Variants in DERL1 observed in about 807,000 individuals in gnomAD.
DERL1 encodes the protein derlin 1.
DERL1 carries 24 observed loss-of-function variants against 41.6 expected under a neutral mutation model. The ratio of observed to expected loss-of-function variants is 0.58; its 90% CI spans 0.42 to 0.81. DERL1 has a LOEUF of 0.81. Among genes scored for constraint, DERL1 ranks in the 30% least tolerant of loss-of-function variants. DERL1 has a pLI of 0.00. For missense variants in DERL1, 260 were observed against 314.3 expected, an observed-to-expected ratio of 0.83 and a Z score of 1.31; for synonymous variants, 124 against 112.5, an observed-to-expected ratio of 1.10 and a Z score of -0.65.
Position 123,013,742 on chromosome 8 carries a change from G to A in DERL1, c.*1705C>T, listed in dbSNP as rs752620473. ...TCTTATACATACAATGAGTCTCCAC[G>A]CCTGTACAATGAGTGTACGTGCAAC... On this transcript the variant is annotated 3_prime_UTR_variant, in exon 8 of 8. Coordinates refer to ENST00000259512, the MANE Select transcript of DERL1 (RefSeq NM_024295.6). The A allele has an allele frequency of 3.9e-5, 6 of 152,150 alleles. No homozygotes were observed. The highest frequency in any genetic ancestry group is 6.6e-5 in the Admixed American group (1 of 15,264). The allele number at this position is 152,150 out of a possible 1,614,324, so 9.4% of individuals were successfully genotyped here.
intron 1 of DERL1, among the ~76,000 whole-genome samples, chr8:123,041,092 G>T (rs1813052783): frequency 6.6e-6 from 1 of 152,198 alleles, no homozygotes; most frequent in South Asian, 2.1e-4. Flanking sequence ...TCCTATAACT[G>T]ATTCCCAAGG....
At chr8:123,018,955 G>C in intron 7 of DERL1, 1 of 502,342 alleles carries the variant, frequency 2.0e-6, no homozygotes, top group Non-Finnish European at 3.6e-6. Context: ...GATGCCTCCT[G>C]TAATGTTGGA....
At chr8:123,035,555 C>T (rs1225864153) in intron 1 of DERL1, among the ~76,000 whole-genome samples, 2 of 152,148 alleles carry the variant, frequency 1.3e-5, no homozygotes, top group African/African-American at 4.8e-5. Flanking sequence ...GGACTGCCTG[C>T]CTCACACTTA....
chr8:123,030,526 C>T, intron 2 of DERL1, 79 bp downstream of exon 2: 2 of 1,056,896 alleles, frequency 1.9e-6, no homozygotes, highest in South Asian at 1.5e-5. Flanking sequence ...GCTAACTGCC[C>T]TCCAAATTCC....
At chr8:123,039,279 G>A (rs939326222) in intron 1 of DERL1, among the ~76,000 whole-genome samples, 6 of 152,078 alleles carry the variant, frequency 3.9e-5, no homozygotes, top group East Asian at 1.9e-4. Flanking sequence ...CAGAATAGTC[G>A]GGGCAATCTG....
At chr8:123,015,759 CCTGA>C in intron 7 of DERL1, 174 bp from the exon 8 acceptor site, 1 of 670,750 alleles carries the variant, frequency 1.5e-6, no homozygotes. Context: ...AGCCCCATGA[CCTGA>C]CCACAGACGG....
Position 123,015,947 on chromosome 8 carries a change from A to G in DERL1, c.618-362T>C, listed in dbSNP as rs150248115. 4.7e-3 allele frequency: 794 copies of G among 167,446 alleles called. 11 individuals are homozygous for G. The highest frequency in any genetic ancestry group is 0.018 in the African/African-American group (745 of 42,232). The allele number at this position is 167,446 out of a possible 1,614,324, so 10.4% of individuals were successfully genotyped here. ...TGATAGCATCTTGGTATATCTAAAT[A>G]TGGCTCAAACTGGATCAAAGGATAC... On this transcript the variant is annotated intron_variant, in intron 7 of 7. Transcript: ENST00000259512.
chr8:123,023,160 A>G (rs1812603291), intron 4 of DERL1, among the ~76,000 whole-genome samples: 1 of 152,222 alleles, frequency 6.6e-6, no homozygotes, highest in East Asian at 1.9e-4. Flanking sequence ...ATTATTGTCA[A>G]TGTTCAAACA....
chr8:123,038,327 T>C (rs1812973213), intron 1 of DERL1, among the ~76,000 whole-genome samples: 1 of 152,192 alleles, frequency 6.6e-6, no homozygotes, highest in South Asian at 2.1e-4. Flanking sequence ...AGTTTTTCCT[T>C]GACTGCTTCA....
At chr8:123,023,229 C>G (rs1356235796) in intron 4 of DERL1, among the ~76,000 whole-genome samples, 1 of 152,118 alleles carries the variant, frequency 6.6e-6, no homozygotes, top group African/African-American at 2.4e-5. Flanking sequence ...CATGTAAGAT[C>G]TTCAAAGATT....
At chr8:123,030,871 T>G (rs1443208256) in intron 1 of DERL1, 155 bp from the exon 2 acceptor site, 1 of 619,204 alleles carries the variant, frequency 1.6e-6, no homozygotes, top group African/African-American at 1.9e-5. Context: ...AAGAAAAGTG[T>G]TCACACCAAA....
intron 1 of DERL1, among the ~76,000 whole-genome samples, chr8:123,040,279 C>T (rs915868611): frequency 6.6e-6 from 1 of 152,118 alleles, no homozygotes; most frequent in African/African-American, 2.4e-5. Context: ...GAGTGAAGGA[C>T]GGGCTATTTT....
At chr8:123,026,178 T>A (rs1812686139) in intron 2 of DERL1, among the ~76,000 whole-genome samples, 1 of 152,202 alleles carries the variant, frequency 6.6e-6, no homozygotes, top group African/African-American at 2.4e-5. Flanking sequence ...TACTCTCCTT[T>A]ATTTCTCCCT....
intron 3 of DERL1, 55 bp from the exon 4 acceptor site, chr8:123,023,794 G>A: frequency 1.3e-6 from 2 of 1,571,540 alleles, no homozygotes; most frequent in Middle Eastern, 3.4e-4. Context: ...ACCTAGTCAA[G>A]ACTGATGTGG....
chr8:123,031,854 C>T (rs1812823514), intron 1 of DERL1, among the ~76,000 whole-genome samples: 1 of 152,116 alleles, frequency 6.6e-6, no homozygotes, highest in Non-Finnish European at 1.5e-5. Flanking sequence ...TTTATATGTG[C>T]ATATACAGAA....
chr8:123,015,429 C>T lies in DERL1; in HGVS notation c.*18G>A. 2 of 1,609,628 alleles carry T rather than the reference C, an allele frequency of 1.2e-6. No homozygotes were observed. The highest frequency in any genetic ancestry group is 2.2e-5 in the East Asian group (1 of 44,832). ...AGGAAATGTGGCTTGAGAGGAGCGG[C>T]TGCCCGAGGCCGCCCCTTCACTGGT... On this transcript the variant is annotated 3_prime_UTR_variant, in exon 8 of 8. Coordinates refer to ENST00000259512, the MANE Select transcript of DERL1 (RefSeq NM_024295.6).
intron 6 of DERL1, among the ~76,000 whole-genome samples, chr8:123,020,644 G>A (rs943038079): frequency 5.3e-5 from 8 of 150,482 alleles, no homozygotes; most frequent in Non-Finnish European, 8.9e-5. Context: ...TTTGACCCTG[G>A]TTGGCCAAAA....
intron 2 of DERL1, among the ~76,000 whole-genome samples, chr8:123,029,067 CA>C (rs879563026): frequency 2.3e-3 from 312 of 132,772 alleles, no homozygotes; most frequent in Admixed American, 2.7e-3. Flanking sequence ...GACCCTGTCT[CA>C]AAAAAAAAAA....
chr8:123,022,762 C>G lies in DERL1; in HGVS notation c.375G>C (p.Leu125=), dbSNP rs753520571. The G allele has an allele frequency of 2.5e-6, 4 of 1,614,076 alleles. No homozygotes were observed. Among genetic ancestry groups the G allele is most frequent in the Middle Eastern group, 1.6e-4 (1 of 6,062 alleles). Residue 125 remains leucine (L), a synonymous_variant, in exon 5 of 8, where the codon CTG becomes CTC. Coordinates refer to ENST00000259512, the MANE Select transcript of DERL1 (RefSeq NM_024295.6). ...CCCAGACATAAAGTACTGACATGAT[C>G]AGAGGAATCATCAGCAACTGCAAAA... ...AMDMQLLMIP[L]IMSVLYVWAQ...
Sources: allele counts gnomAD v4.1 joint callset (sites outside exome capture counted in the v4.1 genomes callset), GRCh38; gene constraint gnomAD v4.1.1; transcripts MANE v1.5; gene names NCBI Gene and HGNC (gene_info 2026-07-23, HGNC 2026-07-21).